USP54: variants seen among roughly 807,000 people sequenced by gnomAD.
USP54 encodes ubiquitin specific peptidase 54.
A neutral mutation model predicts 170.5 loss-of-function variants in USP54; 87 were observed. That is an observed-to-expected ratio of 0.51 (90% CI 0.43 to 0.61). The LOEUF is 0.61. Ranked by LOEUF, USP54 falls within the 20% of genes least tolerant of loss-of-function variation. The pLI, the probability that USP54 is intolerant of heterozygous loss-of-function variation, is 0.00. For missense variants in USP54, 1,786 were observed against 2,047.8 expected (o/e 0.87, Z 2.47); for synonymous variants, 655 against 742.8 (o/e 0.88, Z 1.92).
rs2079729798 is a variant in USP54, at chr10:73,607,290, G to A, written c.-18+18277C>T. 2.7e-5 allele frequency among the ~76,000 whole-genome samples: 4 copies of A among 146,114 alleles called. 1 individual carries two copies. In the South Asian group the frequency reaches 8.7e-4, roughly 32 times the overall value. On this transcript the variant is annotated intron_variant, in intron 1 of 22. Coordinates refer to the USP54 transcript ENST00000339859. ...CCATCTTGCAGGACAGTGAGACCTG[G>A]TTTCCACAAAATCATTCCTAGAGTT...
intron 4 of USP54, among the ~76,000 whole-genome samples, chr10:73,569,507 C>T (rs796144569): frequency 6.6e-6 from 1 of 152,044 alleles, no homozygotes; most frequent in East Asian, 1.9e-4. Context: ...TCCAGCTGGG[C>T]GTGATGGCTC....
At chr10:73,616,321 G>C (rs1427392364) in intron 1 of USP54, among the ~76,000 whole-genome samples, 1 of 106,756 alleles carries the variant, frequency 9.4e-6, no homozygotes, top group Non-Finnish European at 1.6e-5. Context: ...CTAGGCGACA[G>C]CAAGACTCCA....
chr10:73,594,927 A>T (rs536413938), upstream of USP54, among the ~76,000 whole-genome samples: 225 of 150,198 alleles, frequency 1.5e-3, 2 homozygotes, highest in Admixed American at 4.4e-3. Flanking sequence ...TTTTTTTTTT[A>T]ATCTTGGTTT....
At chr10:73,608,080 T>A (rs1704061887) in intron 1 of USP54, among the ~76,000 whole-genome samples, 1 of 151,850 alleles carries the variant, frequency 6.6e-6, no homozygotes, top group African/African-American at 2.4e-5. Context: ...GGCAATATGG[T>A]GAAACCCTGT....
chr10:73,599,586 A>G (rs2079007382), intron 1 of USP54, among the ~76,000 whole-genome samples: 1 of 152,154 alleles, frequency 6.6e-6, no homozygotes, highest in Admixed American at 6.6e-5. Flanking sequence ...TTAATTCAGC[A>G]CCCCGAAATG....
intron 1 of USP54, among the ~76,000 whole-genome samples, chr10:73,624,175 TATATATATATATATATATATGTA>T (rs1371277723): frequency 1.9e-4 from 22 of 116,600 alleles, no homozygotes; most frequent in South Asian, 1.6e-3. Flanking sequence ...TATATATATA[TATATATATATATATATATATGTA>T]TTTTTTTTTT....
At chr10:73,575,379 A>G in intron 3 of USP54, 133 bp downstream of exon 3, 1 of 1,070,518 alleles carries the variant, frequency 9.3e-7, no homozygotes, top group Non-Finnish European at 1.3e-6. Flanking sequence ...TCACACAGAT[A>G]AATGTAAAAA....
rs201097572 is a variant in USP54 at position 73,505,366 on chromosome 10, G to A, written c.4112C>T (p.Thr1371Ile). The change falls in exon 21 of 24, where the codon ACT becomes ATT. Residue 1371 changes from threonine to isoleucine, a missense_variant. Around this residue, in one of 3 missense-constraint regions of USP54, gnomAD observed 1,418 missense variants for 1,569.0 expected, o/e 0.90. Transcript: ENST00000687698. ...ACCATGCTCCATTTCTGCTGTTGAA[G>A]TCTTTGAGAGACCAGGATCATGGGC... ...HSAHDPGLSKTSTAEMEHGLH... is the reference protein window; with the variant it reads ...HSAHDPGLSKISTAEMEHGLH... The A allele has an allele frequency of 3.1e-6, 5 of 1,614,122 alleles. No individual in the cohort carries two copies. Among genetic ancestry groups the A allele is most frequent in the Middle Eastern group, 3.3e-4 (2 of 6,062 alleles).
chr10:73,555,916 T>A (rs770403104), intron 4 of USP54, among the ~76,000 whole-genome samples: 1 of 151,936 alleles, frequency 6.6e-6, no homozygotes, highest in Admixed American at 6.6e-5. Flanking sequence ...CTCCAAATTT[T>A]AAAAAAAAGC....
In USP54 at chr10:73,498,714, A is replaced by G. The variant is rs553102168; in HGVS notation, c.4970T>C (p.Val1657Ala). 5.6e-6 allele frequency: 9 copies of G among 1,612,232 alleles called. No individual in the cohort carries two copies. The South Asian group carries it at 8.8e-5, about 16-fold the overall frequency. Residue 1657 changes from valine to alanine, a missense_variant, in exon 24 of 24, where the codon GTG (valine) becomes GCG (alanine). Physicochemically the swap from Val to Ala is moderately conservative, Grantham distance 64. Coordinates refer to ENST00000687698, the MANE Select transcript of USP54 (RefSeq NM_001391956.1). ...TAGAACAAACAGAAACCCCTCTCCC[A>G]CTGTTCTCCTGTGTCCAGAGTGGGA... ...YASHSGHRRT[V>A]GEGFLFVLSD...
chr10:73,601,177 A>G (rs1298672996), intron 1 of USP54, among the ~76,000 whole-genome samples: 1 of 152,238 alleles, frequency 6.6e-6, no homozygotes, highest in Non-Finnish European at 1.5e-5. Flanking sequence ...AATCCAACAC[A>G]GAAGTCTTCT....
Position 73,571,418 on chromosome 10 carries a change from T to TA in USP54, c.240+2dup. The TA allele has an allele frequency of 6.2e-7, 1 of 1,612,884 alleles. No homozygotes were observed. The highest frequency in any genetic ancestry group is 8.5e-7 in the Non-Finnish European group (1 of 1,179,352). Reference sequence around the variant, plus strand: ...TGAGAAGAAACTAATTGGAAGTACTTACCTTGAGAGCGCAAAAGATGCAGG... The same window carrying TA: ...TGAGAAGAAACTAATTGGAAGTACTTAACCTTGAGAGCGCAAAAGATGCAGG... On this transcript the variant is annotated splice_region_variant and intron_variant, in intron 4 of 23. Transcript: ENST00000687698.
At chr10:73,596,191 G>A (rs1209910025), upstream of USP54, among the ~76,000 whole-genome samples, 1 of 151,890 alleles carries the variant, frequency 6.6e-6, no homozygotes, top group Non-Finnish European at 1.5e-5. Context: ...GGAGGCCAAG[G>A]TGGACAGATC....
chr10:73,561,297 A>G (rs924939819), intron 4 of USP54, among the ~76,000 whole-genome samples: 1 of 152,086 alleles, frequency 6.6e-6, no homozygotes, highest in African/African-American at 2.4e-5. Context: ...TATTAAGTCA[A>G]ACAATCATAG....
chr10:73,522,034 C>T (rs889650082), intron 17 of USP54, among the ~76,000 whole-genome samples: 10 of 152,192 alleles, frequency 6.6e-5, no homozygotes, highest in African/African-American at 2.2e-4. Context: ...ATGTCTGAGT[C>T]ACTTCTCCCA....
intron 1 of USP54, among the ~76,000 whole-genome samples, chr10:73,576,861 T>C (rs1045334250): frequency 1.3e-5 from 2 of 152,238 alleles, no homozygotes; most frequent in East Asian, 1.9e-4. Context: ...GAAACACTGA[T>C]GGCGAGTAAA....
intron 4 of USP54, among the ~76,000 whole-genome samples, chr10:73,558,901 G>C (rs892454513): frequency 6.6e-6 from 1 of 151,992 alleles, no homozygotes; most frequent in Non-Finnish European, 1.5e-5. Flanking sequence ...ATCTACATAT[G>C]TTATGCATTT....
At chr10:73,580,116 G>A (rs775456267) in intron 1 of USP54, among the ~76,000 whole-genome samples, 16 of 151,978 alleles carry the variant, frequency 1.1e-4, no homozygotes, top group Non-Finnish European at 2.1e-4. Flanking sequence ...CTTGGATCAG[G>A]AGTTCAAGAC....
chr10:73,610,370 C>A (rs1228220419), intron 1 of USP54, among the ~76,000 whole-genome samples: 1 of 152,032 alleles, frequency 6.6e-6, no homozygotes, highest in Admixed American at 6.6e-5. Flanking sequence ...TACTGTAATC[C>A]CAGCATTTTG....
Sources: gnomAD v4.1 joint callset for allele counts (sites outside exome capture counted in the v4.1 genomes callset) on GRCh38, gnomAD v4.1.1 for gene constraint, gnomAD v4.1.1 regional missense constraint, MANE v1.5 for transcripts, NCBI Gene and HGNC (gene_info 2026-07-23, HGNC 2026-07-21) for gene names.